Variants in KY observed in about 807,000 individuals in gnomAD.
KY encodes the protein kyphoscoliosis peptidase.
Under a neutral mutation model 76.1 loss-of-function variants are expected in KY, and 43 were observed. That is an observed-to-expected ratio of 0.57 (90% confidence interval 0.44 to 0.73). The LOEUF is 0.73. Among genes scored for constraint, KY ranks in the 30% least tolerant of loss-of-function variants. KY has a pLI of 0.00. For synonymous variants in KY, 277 were observed against 326.2 expected, an observed-to-expected ratio of 0.85 and a Z score of 1.63; for missense variants, 722 against 828.9, an observed-to-expected ratio of 0.87 and a Z score of 1.58.
intron 2 of KY, 147 bp downstream of exon 2, chr3:134,647,288 C>G: frequency 1.5e-6 from 1 of 653,504 alleles, no homozygotes; most frequent in Non-Finnish European, 2.7e-6. Flanking sequence ...CACAGTGGCC[C>G]TTAGAGGCCT....
intron 7 of KY, among the ~76,000 whole-genome samples, chr3:134,620,205 T>C (rs1962362599): frequency 6.6e-6 from 1 of 152,106 alleles, no homozygotes; most frequent in Non-Finnish European, 1.5e-5. Flanking sequence ...TGGAGAGCTG[T>C]GGGCAGCTGC....
chr3:134,605,149 G>T (rs1057317935), intron 10 of KY, among the ~76,000 whole-genome samples: 1 of 152,114 alleles, frequency 6.6e-6, no homozygotes, highest in African/African-American at 2.4e-5. Context: ...TTGCTCTGAA[G>T]TTTCATCTTC....
chr3:134,611,400 C>T (rs1007713533), intron 8 of KY, among the ~76,000 whole-genome samples: 4 of 152,212 alleles, frequency 2.6e-5, no homozygotes, highest in Non-Finnish European at 1.5e-5. Flanking sequence ...GCCAGCTGGT[C>T]TTGCTCCTCA....
intron 10 of KY, chr3:134,607,095 C>T (rs954491393): frequency 1.0e-5 from 10 of 985,344 alleles, no homozygotes; most frequent in Admixed American, 6.1e-5. Flanking sequence ...AAACTCCACT[C>T]AATGACATCA....
intron 3 of KY, among the ~76,000 whole-genome samples, chr3:134,638,604 G>A (rs1283775788): frequency 1.3e-5 from 2 of 152,152 alleles, no homozygotes; most frequent in African/African-American, 2.4e-5. Context: ...TCTTGAGAAC[G>A]GGCTCCCTGG....
Position 134,603,493 on chromosome 3 carries a change from G to T in KY, c.*86C>A. On this transcript the variant is annotated 3_prime_UTR_variant, in exon 11 of 11. Transcript: ENST00000423778. ...AGGGATTTCATGCAGACTCAGTGGT[G>T]TCCAGGGCTCCCTGCACTTCCTTCG... 8.1e-7 allele frequency: 1 copy of T among 1,232,866 alleles called. No individual in the cohort carries two copies. The highest frequency in any genetic ancestry group is 1.1e-6 in the Non-Finnish European group (1 of 882,518). The allele number at this position is 1,232,866 out of a possible 1,614,324, so 76.4% of individuals were successfully genotyped here.
intron 3 of KY, among the ~76,000 whole-genome samples, chr3:134,634,305 G>GA (rs541131548): frequency 4.7e-5 from 7 of 148,734 alleles, no homozygotes; most frequent in African/African-American, 9.9e-5. Context: ...AACTAATTTT[G>GA]AAAAAAAAAG....
intron 8 of KY, among the ~76,000 whole-genome samples, chr3:134,617,383 C>G (rs1164932134): frequency 6.6e-6 from 1 of 152,114 alleles, no homozygotes; most frequent in Non-Finnish European, 1.5e-5. Flanking sequence ...CTATATATGT[C>G]TATTGAGGGC....
At chr3:134,614,854 C>A (rs1356334816) in intron 8 of KY, among the ~76,000 whole-genome samples, 3 of 152,136 alleles carry the variant, frequency 2.0e-5, no homozygotes, top group Non-Finnish European at 4.4e-5. Flanking sequence ...GCACCCTACA[C>A]CAATGGGCTC....
chr3:134,630,771 T>A (rs1274773264), intron 3 of KY, among the ~76,000 whole-genome samples: 4 of 152,166 alleles, frequency 2.6e-5, no homozygotes, highest in Non-Finnish European at 5.9e-5. Context: ...CAGGAAAGTC[T>A]TAATTTGAAA....
At position 134,629,648 on chromosome 3, in the gene KY, G is replaced by C. The variant is rs367609583; in HGVS notation, c.310C>G (p.Leu104Val). The change falls in exon 4 of 11, where the codon CTG becomes GTG. Residue 104 changes from leucine (L) to valine (V), a missense_variant. Coordinates refer to ENST00000423778, the MANE Select transcript of KY (RefSeq NM_178554.6). ...TTAGCCAAGGAGAACTTCTTGAGCA[G>C]CTGGGGCATGGCATCTCGAGGGTGG... ...EVHPRDAMPQ[L>V]LKKFSLAKRL... The C allele has an allele frequency of 6.2e-7, 1 of 1,601,988 alleles. No homozygotes were observed. The highest frequency in any genetic ancestry group is 8.5e-7 in the Non-Finnish European group (1 of 1,174,164).
rs1163403114 is a variant in KY, at chr3:134,650,823, A to AC, written c.136+1dup. 2 of 1,581,472 alleles carry AC rather than the reference A, an allele frequency of 1.3e-6. No individual in the cohort carries two copies. The highest frequency in any genetic ancestry group is 1.7e-6 in the Non-Finnish European group (2 of 1,161,920). On this transcript the variant is annotated splice_donor_variant, in intron 1 of 10. Coordinates refer to ENST00000423778, the MANE Select transcript of KY (RefSeq NM_178554.6). LOFTEE classifies it high-confidence loss of function. Reference sequence around the variant, plus strand: ...CGGGGACCCGGGTCGGGCGCGCGTTACCTCCTCCGCGCTGCAGCAGCGAGC... The same window carrying AC: ...CGGGGACCCGGGTCGGGCGCGCGTTACCCTCCTCCGCGCTGCAGCAGCGAGC...
chr3:134,643,238 C>A, intron 3 of KY, 78 bp downstream of exon 3: 1 of 1,417,984 alleles, frequency 7.1e-7, no homozygotes, highest in East Asian at 2.3e-5. Flanking sequence ...GCTCCACATC[C>A]TGGGCTGTCG....
chr3:134,613,468 G>A (rs1285054180), intron 8 of KY, among the ~76,000 whole-genome samples: 2 of 152,178 alleles, frequency 1.3e-5, no homozygotes, highest in East Asian at 3.9e-4. Flanking sequence ...CTCTGAGTGG[G>A]GGTGATGGCC....
intron 3 of KY, 69 bp downstream of exon 3, chr3:134,643,247 C>T (rs1473139962): frequency 1.2e-5 from 18 of 1,484,808 alleles, no homozygotes; most frequent in East Asian, 6.8e-5. Context: ...CCTGGGCTGT[C>T]GCTGGCCAGA....
At chr3:134,606,472 G>C (rs923159884) in intron 10 of KY, among the ~76,000 whole-genome samples, 2 of 152,124 alleles carry the variant, frequency 1.3e-5, no homozygotes, top group Non-Finnish European at 2.9e-5. Flanking sequence ...AAGGCTTCAT[G>C]GTAATGTCCC....
At chr3:134,631,823 A>T (rs953260091) in intron 3 of KY, among the ~76,000 whole-genome samples, 4 of 152,140 alleles carry the variant, frequency 2.6e-5, no homozygotes, top group Admixed American at 6.5e-5. Context: ...AGAAAACCTA[A>T]ATACAAATGT....
chr3:134,617,919 G>A (rs942584558), intron 8 of KY, among the ~76,000 whole-genome samples: 1 of 152,120 alleles, frequency 6.6e-6, no homozygotes, highest in East Asian at 1.9e-4. Context: ...AGGAACCCAG[G>A]ACCAGGGAAG....
chr3:134,642,289 A>G (rs768741455), intron 3 of KY, among the ~76,000 whole-genome samples: 2 of 152,152 alleles, frequency 1.3e-5, no homozygotes, highest in Non-Finnish European at 2.9e-5. Context: ...CATATGGGGC[A>G]TGGGGGAAAT....
Sources: allele counts gnomAD v4.1 joint callset (sites outside exome capture counted in the v4.1 genomes callset), GRCh38; gene constraint gnomAD v4.1.1; transcripts MANE v1.5; gene names NCBI Gene and HGNC (gene_info 2026-07-23, HGNC 2026-07-21).